CCL7: variants seen among roughly 807,000 people sequenced by gnomAD.
The protein encoded by CCL7 is C-C motif chemokine ligand 7.
Under a neutral mutation model 7.1 loss-of-function variants are expected in CCL7, and 8 were observed. The ratio of observed to expected loss-of-function variants is 1.13; its 90% CI spans 0.66 to 2.04. The LOEUF (loss-of-function observed/expected upper bound fraction) is 2.04. Ranked by LOEUF, CCL7 falls within the 30% of genes most tolerant of loss-of-function variation. The pLI is 0.00. For missense variants in CCL7, 134 were observed against 113.6 expected, an observed-to-expected ratio of 1.18 and a Z score of -0.82; for synonymous variants, 46 against 41.2, an observed-to-expected ratio of 1.12 and a Z score of -0.45.
chr17:34,270,855 C>T (rs1347856678), intron 1 of CCL7, among the ~76,000 whole-genome samples: 1 of 152,192 alleles, frequency 6.6e-6, no homozygotes, highest in Non-Finnish European at 1.5e-5. Flanking sequence ...TACCCTTGCT[C>T]TAAGGAATTG....
intron 1 of CCL7, 37 bp downstream of exon 1, chr17:34,270,403 C>T (rs1219392987): frequency 4.5e-6 from 7 of 1,550,644 alleles, no homozygotes; most frequent in Non-Finnish European, 6.2e-6. Context: ...AAGCACATTG[C>T]CCCCTCTCTG....
In CCL7 at chr17:34,270,246, A is replaced by G. The variant is rs200520639; in HGVS notation, c.-45A>G. The stretch of plus-strand genomic sequence containing the variant: ...AGCAGAGGGGCTGAGACCAAACCAG[A>G]AACCTCCAATTCTCATGTGGAAGCC... On this transcript the variant is annotated 5_prime_UTR_variant, in exon 1 of 3. Transcript: ENST00000378569. The G allele has an allele frequency of 1.3e-6, 2 of 1,594,834 alleles. No individual in the cohort carries two copies. The highest frequency in any genetic ancestry group is 1.7e-6 in the Non-Finnish European group (2 of 1,162,488).
intron 1 of CCL7, among the ~76,000 whole-genome samples, chr17:34,270,773 G>A (rs1273802347): frequency 6.6e-6 from 1 of 152,188 alleles, no homozygotes; most frequent in Non-Finnish European, 1.5e-5. Flanking sequence ...CTCTGCAGAG[G>A]TGGTACGTAT....
rs139948717 is a variant in CCL7, at chr17:34,271,361, C to T, written c.194+98C>T. 28 of 916,768 alleles carry T rather than the reference C, an allele frequency of 3.1e-5. No homozygotes were observed. The East Asian group carries it at 5.3e-4, about 17-fold the overall frequency. 56.8% of individuals were successfully genotyped at this position (916,768 alleles called of 1,614,324 possible). A position where few individuals can be genotyped will look rare whatever the true frequency, so the allele number is the denominator to read the frequency against. On this transcript the variant is annotated intron_variant, in intron 2 of 2. Coordinates refer to ENST00000378569, the MANE Select transcript of CCL7 (RefSeq NM_006273.4). ...TATCAGAATGAGTTGGAGTCAAATA[C>T]TGTGATGCATACAGCATCTCTAACC...
intron 2 of CCL7, 131 bp downstream of exon 2, chr17:34,271,394 A>G (rs1246850653): frequency 6.6e-6 from 5 of 757,420 alleles, no homozygotes; most frequent in Non-Finnish European, 1.1e-5. Context: ...ACCTTATCCC[A>G]GACATTTGCC....
rs865807034 is a variant in CCL7 at position 34,271,703 on chromosome 17, G to A, written c.201G>A (p.Lys67=). Residue 67 remains lysine (K), a synonymous_variant, in exon 3 of 3, where the codon AAG becomes AAA. Transcript: ENST00000378569. ...TCTCCTTTCTGCTCCACAGCTTCAA[G>A]ACCAAACTGGACAAGGAGATCTGTG... is the stretch of plus-strand genomic sequence containing the variant. ...SHCPREAVIF[K]TKLDKEICAD... is the part of the protein sequence containing the mutation. 1 of 1,608,604 alleles carries A rather than the reference G, an allele frequency of 6.2e-7. No individual in the cohort carries two copies. The highest frequency in any genetic ancestry group is 8.5e-7 in the Non-Finnish European group (1 of 1,178,050).
chr17:34,271,101 A>C, intron 1 of CCL7, 45 bp from the exon 2 acceptor site: 1 of 1,613,702 alleles, frequency 6.2e-7, no homozygotes, highest in Non-Finnish European at 8.5e-7. Flanking sequence ...AGAAAGACCC[A>C]GGACACACCC....
intron 1 of CCL7, among the ~76,000 whole-genome samples, chr17:34,270,647 T>C (rs1008888394): frequency 6.6e-6 from 1 of 152,176 alleles, no homozygotes; most frequent in Non-Finnish European, 1.5e-5. Flanking sequence ...TCCAGCAGAA[T>C]TTGGGATCAG....
chr17:34,272,029 G>A lies in CCL7; in HGVS notation c.*227G>A. 1 of 430,762 alleles carries A rather than the reference G, an allele frequency of 2.3e-6. No individual in the cohort carries two copies. The allele number at this position is 430,762 out of a possible 1,614,324, so 26.7% of individuals were successfully genotyped here. The stretch of plus-strand genomic sequence containing the variant: ...GGGTTTTGAACATAAAGCCTTGGAT[G>A]TATATGTCATCTCAGTGCTGTAAAA... On this transcript the variant is annotated 3_prime_UTR_variant, in exon 3 of 3. Transcript: ENST00000378569.
intron 2 of CCL7, 151 bp downstream of exon 2, chr17:34,271,414 C>A: frequency 1.4e-6 from 1 of 710,082 alleles, no homozygotes; most frequent in Non-Finnish European, 2.4e-6. Flanking sequence ...CAGTGAGAAA[C>A]AATACAAGTA....
chr17:34,271,693 A>G lies in CCL7; in HGVS notation c.195-4A>G, dbSNP rs1367598075. 1 of 1,601,746 alleles carries G rather than the reference A, an allele frequency of 6.2e-7. No homozygotes were observed. The highest frequency in any genetic ancestry group is 8.5e-7 in the Non-Finnish European group (1 of 1,173,376). On this transcript the variant is annotated splice_polypyrimidine_tract_variant and splice_region_variant and intron_variant, in intron 2 of 2. Transcript: ENST00000378569. ...CATCTGACTGTCTCCTTTCTGCTCCACAGCTTCAAGACCAAACTGGACAAG... is the reference window on the plus strand; with the variant it reads ...CATCTGACTGTCTCCTTTCTGCTCCGCAGCTTCAAGACCAAACTGGACAAG...
intron 2 of CCL7, 62 bp downstream of exon 2, chr17:34,271,325 A>T: frequency 7.5e-7 from 1 of 1,326,414 alleles, no homozygotes; most frequent in Non-Finnish European, 1.1e-6. Context: ...CTGGGCAGGG[A>T]ATAGGACTAG....
intron 1 of CCL7, 169 bp from the exon 2 acceptor site, chr17:34,270,977 A>G: frequency 7.2e-7 from 1 of 1,388,264 alleles, no homozygotes; most frequent in Non-Finnish European, 9.6e-7. Flanking sequence ...AGTGAAAGGG[A>G]GTTTATGAAA....
chr17:34,272,069 C>A lies in CCL7; in HGVS notation c.*267C>A. On this transcript the variant is annotated 3_prime_UTR_variant, in exon 3 of 3. Coordinates refer to ENST00000378569, the MANE Select transcript of CCL7 (RefSeq NM_006273.4). Reference sequence around the variant, plus strand: ...GTGCTGTAAAAACTGTGGGATGCTCCTCCCTTCTCTACCTCATGGGGGTAT... The same window carrying A: ...GTGCTGTAAAAACTGTGGGATGCTCATCCCTTCTCTACCTCATGGGGGTAT... The A allele has an allele frequency of 2.3e-5, 8 of 347,374 alleles. No homozygotes were observed. In the South Asian group the frequency reaches 2.7e-4, roughly 12 times the overall value. 21.5% of individuals were successfully genotyped at this position (347,374 alleles called of 1,614,324 possible).
At position 34,271,938 on chromosome 17, in the gene CCL7, C is replaced by T. The variant is rs1040692826; in HGVS notation, c.*136C>T. On this transcript the variant is annotated 3_prime_UTR_variant, in exon 3 of 3. Coordinates refer to ENST00000378569, the MANE Select transcript of CCL7 (RefSeq NM_006273.4). Reference sequence around the variant, plus strand: ...ATGAGCTTTATGTAATAATGTGAATCATGGTTTTTCTTAGTAGATTTTAAA... The same window carrying T: ...ATGAGCTTTATGTAATAATGTGAATTATGGTTTTTCTTAGTAGATTTTAAA... 3 of 603,838 alleles carry T rather than the reference C, an allele frequency of 5.0e-6. No individual in the cohort carries two copies. Among genetic ancestry groups the T allele is most frequent in the Non-Finnish European group, 8.7e-6 (3 of 343,182 alleles). 37.4% of individuals were successfully genotyped at this position (603,838 alleles called of 1,614,324 possible). A position where few individuals can be genotyped will look rare whatever the true frequency, so the allele number is the denominator to read the frequency against.
At position 34,271,733 on chromosome 17, in the gene CCL7, C is replaced by T; in HGVS notation, c.231C>T (p.Asp77=). The change falls in exon 3 of 3, where the codon GAC becomes GAT. Residue 77 remains aspartate (D), a synonymous_variant. Coordinates refer to ENST00000378569, the MANE Select transcript of CCL7 (RefSeq NM_006273.4). ...AACTGGACAAGGAGATCTGTGCTGA[C>T]CCCACACAGAAGTGGGTCCAGGACT... ...KTKLDKEICA[D]PTQKWVQDFM... 1 of 1,612,704 alleles carries T rather than the reference C, an allele frequency of 6.2e-7. No homozygotes were observed. Among genetic ancestry groups the T allele is most frequent in the Non-Finnish European group, 8.5e-7 (1 of 1,179,444 alleles).
At chr17:34,270,412 T>C in intron 1 of CCL7, 46 bp downstream of exon 1, 1 of 1,488,086 alleles carries the variant, frequency 6.7e-7, no homozygotes, top group Non-Finnish European at 9.4e-7. Flanking sequence ...GCCCCCTCTC[T>C]GGGTTATCCT....
intron 2 of CCL7, 140 bp downstream of exon 2, chr17:34,271,403 C>T (rs1296966906): frequency 5.5e-6 from 4 of 732,378 alleles, no homozygotes; most frequent in African/African-American, 5.3e-5. Flanking sequence ...CAGACATTTG[C>T]CAGTGAGAAA....
intron 2 of CCL7, 80 bp from the exon 3 acceptor site, chr17:34,271,617 A>T: frequency 1.1e-6 from 1 of 890,292 alleles, no homozygotes. Context: ...TGGGCTAGAC[A>T]GATTTCCCAT....
Sources: gnomAD v4.1 joint callset for allele counts (sites outside exome capture counted in the v4.1 genomes callset) on GRCh38, gnomAD v4.1.1 for gene constraint, MANE v1.5 for transcripts, NCBI Gene and HGNC (gene_info 2026-07-23, HGNC 2026-07-21) for gene names.